Variants in KIAA1549 observed in about 807,000 individuals in gnomAD.
KIAA1549 encodes the protein UPF0606 protein KIAA1549.
KIAA1549 carries 70 observed loss-of-function variants against 156.4 expected under a neutral mutation model. The observed-to-expected ratio is 0.45, with a 90% confidence interval of 0.37 to 0.55. The LOEUF is 0.55. Ranked by LOEUF, KIAA1549 falls within the 20% of genes least tolerant of loss-of-function variation. The probability of loss-of-function intolerance (pLI) is 0.00; values close to 1 mark genes in which losing one functional copy is unlikely to be tolerated. For missense variants in KIAA1549, 2,428 were observed against 2,540.9 expected, an observed-to-expected ratio of 0.96 and a Z score of 0.96; for synonymous variants, 1,103 against 1,066.4, an observed-to-expected ratio of 1.03 and a Z score of -0.67.
At chr7:138,903,846 TGTGTGTGCGCGCGCGC>T (rs1436471528) in intron 7 of KIAA1549, 110 bp from the exon 8 acceptor site, 9 of 387,630 alleles carry the variant, frequency 2.3e-5, no homozygotes, top group Admixed American at 1.9e-4. Flanking sequence ...TGTGTGTGTG[TGTGTGTGCGCGCGCGC>T]GCGCGCGCAC....
intron 15 of KIAA1549, among the ~76,000 whole-genome samples, chr7:138,862,957 G>C (rs1810631506): frequency 1.3e-5 from 2 of 152,020 alleles, no homozygotes; most frequent in South Asian, 4.1e-4. Flanking sequence ...AAAACGCAAA[G>C]GTTCAAATTG....
chr7:138,869,126 G>A lies in KIAA1549; in HGVS notation c.4775+412C>T, dbSNP rs775157169. On this transcript the variant is annotated intron_variant, in intron 14 of 19. Transcript: ENST00000422774. ...GCTGGGTGCCAGCCTGGGTGGCTCC[G>A]GGAGATGAAAATATTGGAGGTGACA... Among the ~76,000 whole-genome samples the A allele has an allele frequency of 4.3e-4, 66 of 152,290 alleles. 2 individuals carry two copies. Among genetic ancestry groups the A allele is most frequent in the South Asian group, 8.3e-4 (4 of 4,816 alleles).
chr7:138,874,852 C>T (rs913276531), intron 12 of KIAA1549, among the ~76,000 whole-genome samples: 6 of 151,882 alleles, frequency 4.0e-5, no homozygotes, highest in South Asian at 2.1e-4. Flanking sequence ...AAAAATAACC[C>T]GGCGTGGTGG....
At chr7:138,924,389 G>A (rs771899007) in intron 1 of KIAA1549, among the ~76,000 whole-genome samples, 1 of 151,850 alleles carries the variant, frequency 6.6e-6, no homozygotes, top group Admixed American at 6.6e-5. Flanking sequence ...TGAACAAGGA[G>A]CAAATTCCCT....
At chr7:138,968,859 C>CAAAAAAA in intron 1 of KIAA1549, among the ~76,000 whole-genome samples, 1 of 66,480 alleles carries the variant, frequency 1.5e-5, no homozygotes, top group Non-Finnish European at 3.2e-5. Flanking sequence ...GACTCCGTCT[C>CAAAAAAA]AAAAAAAAAA....
At chr7:138,870,904 C>G (rs555727941) in intron 13 of KIAA1549, among the ~76,000 whole-genome samples, 2 of 152,144 alleles carry the variant, frequency 1.3e-5, no homozygotes. Context: ...TGCAAACTCC[C>G]CCTCCCGGGT....
intron 17 of KIAA1549, among the ~76,000 whole-genome samples, chr7:138,851,305 C>T (rs1278910298): frequency 1.3e-5 from 2 of 152,000 alleles, no homozygotes; most frequent in Non-Finnish European, 2.9e-5. Flanking sequence ...TTTTGCTCTT[C>T]CTTATTATTT....
chr7:138,849,179 G>A (rs969000035), intron 17 of KIAA1549, among the ~76,000 whole-genome samples: 1 of 151,994 alleles, frequency 6.6e-6, no homozygotes, highest in African/African-American at 2.4e-5. Context: ...AATTTTATTA[G>A]TTTTCTAAGA....
intron 17 of KIAA1549, among the ~76,000 whole-genome samples, chr7:138,846,242 C>T (rs543724065): frequency 1.2e-4 from 19 of 152,172 alleles, no homozygotes; most frequent in African/African-American, 4.1e-4. Context: ...ATGCTAAAGA[C>T]GAGCAGTTTT....
At position 138,871,258 on chromosome 7, in the gene KIAA1549, T is replaced by C; in HGVS notation, c.4450A>G (p.Ser1484Gly). Residue 1484 changes from serine (S) to glycine (G), a missense_variant, in exon 13 of 20, where the codon AGT becomes GGT. This residue lies in a region of KIAA1549 where 404 missense variants were observed against 417.0 expected (regional missense o/e 0.97). Coordinates refer to ENST00000422774, the MANE Select transcript of KIAA1549 (RefSeq NM_001164665.2). ...TGCATGGCGATAAGCTGGATCTTAC[T>C]GGGGACCCGCCGGCTAGCCTCCGGG... ...RPPEASRRVP[S>G]KIQLIAMQPI... 6.2e-7 allele frequency: 1 copy of C among 1,612,510 alleles called. No homozygotes were observed. Among genetic ancestry groups the C allele is most frequent in the Non-Finnish European group, 8.5e-7 (1 of 1,179,416 alleles).
At chr7:138,840,004 C>A (rs1256262512) in intron 19 of KIAA1549, 129 bp downstream of exon 19, 19 of 730,162 alleles carry the variant, frequency 2.6e-5, no homozygotes, top group Middle Eastern at 2.5e-4. Flanking sequence ...ATTGGCCAGG[C>A]TGGTCTCAAA....
At chr7:138,943,666 G>GCT (rs1813253672) in intron 1 of KIAA1549, among the ~76,000 whole-genome samples, 1 of 152,064 alleles carries the variant, frequency 6.6e-6, no homozygotes, top group South Asian at 2.1e-4. Flanking sequence ...TGGCTAACAT[G>GCT]GTGAAACCCC....
intron 8 of KIAA1549, among the ~76,000 whole-genome samples, chr7:138,899,796 A>T (rs181242892): frequency 1.3e-5 from 2 of 152,332 alleles, no homozygotes; most frequent in Admixed American, 6.5e-5. Context: ...AATAAACCTC[A>T]TAAATTCATA....
Position 138,965,003 on chromosome 7 carries a change from C to T in KIAA1549, c.187+16080G>A, listed in dbSNP as rs577398091. On this transcript the variant is annotated intron_variant, in intron 1 of 19. Transcript: ENST00000422774. Reference sequence around the variant, plus strand: ...TGAGACAGGGTCTTGCTCTGTTGCCCAGGCTGAAGTGCCGTGGTGCGATCT... The same window carrying T: ...TGAGACAGGGTCTTGCTCTGTTGCCTAGGCTGAAGTGCCGTGGTGCGATCT... 3.1e-4 allele frequency among the ~76,000 whole-genome samples: 47 copies of T among 151,604 alleles called. No homozygotes were observed. In the East Asian group the frequency reaches 8.9e-3, roughly 29 times the overall value.
chr7:138,939,598 TC>T (rs1367436868), intron 1 of KIAA1549, among the ~76,000 whole-genome samples: 1 of 152,194 alleles, frequency 6.6e-6, no homozygotes, highest in Non-Finnish European at 1.5e-5. Flanking sequence ...AGATTCAGAA[TC>T]AATGTTTTTG....
At position 138,981,212 on chromosome 7, in the gene KIAA1549, C is replaced by T. The variant is rs891442250; in HGVS notation, c.58G>A (p.Gly20Arg). 11 of 1,016,734 alleles carry T rather than the reference C, an allele frequency of 1.1e-5. No homozygotes were observed. The highest frequency in any genetic ancestry group is 1.3e-5 in the Non-Finnish European group (11 of 852,484). 63.0% of individuals were successfully genotyped at this position (1,016,734 alleles called of 1,614,324 possible). The change falls in exon 1 of 20, where the codon GGG (glycine) becomes AGG (arginine). Residue 20 changes from glycine (G) to arginine (R), a missense_variant. Transcript: ENST00000422774. This position sits in a 1 kb window ranked among gnomAD's most constrained non-coding sequence, Gnocchi z 4.5. ...CTCGGCCCCGGGGCCAGCGCGACCCCGGCGCGGGGCTTCCCCTCCATGGCC... is the reference window on the plus strand; with the variant it reads ...CTCGGCCCCGGGGCCAGCGCGACCCTGGCGCGGGGCTTCCCCTCCATGGCC... ...GAAMEGKPRA[G>R]VALAPGPSGR...
chr7:138,869,526 GC>G lies in KIAA1549; in HGVS notation c.4775+11del, dbSNP rs747636400. The G allele has an allele frequency of 2.5e-5, 39 of 1,551,204 alleles. No homozygotes were observed. The East Asian group carries it at 7.7e-4, about 31-fold the overall frequency. On this transcript the variant is annotated intron_variant, in intron 14 of 19. Coordinates refer to ENST00000422774, the MANE Select transcript of KIAA1549 (RefSeq NM_001164665.2). Reference sequence around the variant, plus strand: ...CGCCCGCCCCACCGCCTAGCGCAGAGCCCCAGCCCACCTCTTCCTGGGCTCT... The same window carrying G: ...CGCCCGCCCCACCGCCTAGCGCAGAGCCCAGCCCACCTCTTCCTGGGCTCT...
At chr7:138,951,950 C>G (rs1329996819) in intron 1 of KIAA1549, among the ~76,000 whole-genome samples, 1 of 152,170 alleles carries the variant, frequency 6.6e-6, no homozygotes, top group East Asian at 1.9e-4. Flanking sequence ...AAAAGAATCG[C>G]CTCTGGAATC....
chr7:138,893,869 G>A (rs990150377), intron 10 of KIAA1549, among the ~76,000 whole-genome samples: 19 of 152,356 alleles, frequency 1.2e-4, no homozygotes, highest in South Asian at 6.2e-4. Flanking sequence ...CCAGGAGTTC[G>A]AGACCAGCCT....
Sources: allele counts gnomAD v4.1 joint callset (sites outside exome capture counted in the v4.1 genomes callset), GRCh38; gene constraint gnomAD v4.1.1; regional missense constraint gnomAD v4.1.1; non-coding constraint Gnocchi (gnomAD v3.1); transcripts MANE v1.5; gene names NCBI Gene and HGNC (gene_info 2026-07-23, HGNC 2026-07-21).